CNTNAP5: variants seen among roughly 807,000 people sequenced by gnomAD.
CNTNAP5 encodes contactin-associated protein-like 5.
Under a neutral mutation model 150.2 loss-of-function variants are expected in CNTNAP5, and 72 were observed. The ratio of observed to expected loss-of-function variants is 0.48; its 90% confidence interval spans 0.40 to 0.58. The LOEUF (loss-of-function observed/expected upper bound fraction) is 0.58, where lower values mean the gene tolerates loss of function less well. Among genes scored for constraint, CNTNAP5 ranks in the 20% least tolerant of loss-of-function variants. The probability of loss-of-function intolerance (pLI) is 0.00; values close to 1 mark genes in which losing one functional copy is unlikely to be tolerated. For missense variants in CNTNAP5, 1,636 were observed against 1,626.2 expected (o/e 1.01, Z -0.10); for synonymous variants, 672 against 619.8 (o/e 1.08, Z -1.25).
rs13407203 is a variant in CNTNAP5, at chr2:124,313,861, T to A, written c.381+71468T>A. ...AGATCATTCCTGTTTTCCATTCAAT[T>A]GGTGGTGGTTTGCCTAGGACCCCAA... On this transcript the variant is annotated intron_variant, in intron 3 of 23. Transcript: ENST00000682447. Among the ~76,000 whole-genome samples, 411 of 152,290 alleles carry A rather than the reference T, an allele frequency of 2.7e-3. 4 individuals are homozygous for A. Among genetic ancestry groups the A allele is most frequent in the African/African-American group, 9.3e-3 (385 of 41,574 alleles).
chr2:124,219,106 A>G (rs985037374), intron 1 of CNTNAP5, among the ~76,000 whole-genome samples: 1 of 152,138 alleles, frequency 6.6e-6, no homozygotes, highest in African/African-American at 2.4e-5. Flanking sequence ...GAAAAAGAAG[A>G]GAAAAATAAA....
At chr2:124,301,457 C>T (rs1688566070) in intron 3 of CNTNAP5, among the ~76,000 whole-genome samples, 1 of 152,160 alleles carries the variant, frequency 6.6e-6, no homozygotes, top group Admixed American at 6.5e-5. Context: ...TCTTGGCTAT[C>T]CTCATATAGT....
intron 17 of CNTNAP5, among the ~76,000 whole-genome samples, chr2:124,786,423 G>GA (rs1347226918): frequency 8.4e-4 from 91 of 108,116 alleles, no homozygotes; most frequent in South Asian, 2.7e-3. Flanking sequence ...AGGAAGGAAG[G>GA]AAGGAAGGAA....
At chr2:124,783,221 C>T (rs1463700240) in intron 17 of CNTNAP5, among the ~76,000 whole-genome samples, 1 of 152,082 alleles carries the variant, frequency 6.6e-6, no homozygotes, top group Non-Finnish European at 1.5e-5. Flanking sequence ...GTCATATATT[C>T]CTGTGCACTT....
chr2:124,086,920 T>C (rs185554460), intron 1 of CNTNAP5, among the ~76,000 whole-genome samples: 1 of 151,972 alleles, frequency 6.6e-6, no homozygotes, highest in Non-Finnish European at 1.5e-5. Context: ...TGAACATTTA[T>C]TTAAAATTCC....
In CNTNAP5 at chr2:124,890,917, A is replaced by G. The variant is rs541121772; in HGVS notation, c.3437-11965A>G. On this transcript the variant is annotated intron_variant, in intron 21 of 23. Coordinates refer to ENST00000682447, the MANE Select transcript of CNTNAP5 (RefSeq NM_001367498.1). ...TGTTAGATCTTAGAATATAGTGTAT[A>G]AACAAGTGCTGTGTATTTACCATGT... 6.2e-4 allele frequency among the ~76,000 whole-genome samples: 95 copies of G among 152,236 alleles called. 3 individuals carry two copies. In the South Asian group the frequency reaches 0.02, roughly 31 times the overall value.
At chr2:124,308,861 T>C (rs1688753534) in intron 3 of CNTNAP5, among the ~76,000 whole-genome samples, 4 of 152,148 alleles carry the variant, frequency 2.6e-5, no homozygotes, top group Admixed American at 1.3e-4. Context: ...TGAACCAGAG[T>C]GCACTGGCTT....
chr2:124,503,955 G>A (rs79995119), intron 7 of CNTNAP5, among the ~76,000 whole-genome samples: 3,637 of 152,266 alleles, frequency 0.024, 88 homozygotes, highest in African/African-American at 0.056. Flanking sequence ...CACATTGTGA[G>A]CTTGGCACAT....
intron 1 of CNTNAP5, among the ~76,000 whole-genome samples, chr2:124,145,812 T>TAAAAAAAAAAAAAAAAAAAAAAAAAAAAA: frequency 5.9e-4 from 38 of 64,180 alleles, no homozygotes; most frequent in African/African-American, 1.0e-3. Flanking sequence ...AAAAAAACAT[T>TAAAAAAAAAAAAAAAAAAAAAAAAAAAAA]AAAAAAAAAA....
At chr2:124,258,482 A>G (rs1687368853) in intron 3 of CNTNAP5, among the ~76,000 whole-genome samples, 1 of 152,224 alleles carries the variant, frequency 6.6e-6, no homozygotes, top group South Asian at 2.1e-4. Flanking sequence ...ATGCATGATG[A>G]CATTACAGTA....
chr2:124,452,259 G>A (rs1267168812), intron 6 of CNTNAP5, among the ~76,000 whole-genome samples: 1 of 152,058 alleles, frequency 6.6e-6, no homozygotes. Context: ...GGTGAGGCCT[G>A]TGACTGCCCG....
At chr2:124,201,565 T>C (rs1263655549) in intron 1 of CNTNAP5, among the ~76,000 whole-genome samples, 1 of 152,246 alleles carries the variant, frequency 6.6e-6, no homozygotes, top group South Asian at 2.1e-4. Flanking sequence ...TTTTAACACT[T>C]AACCTCTCCC....
chr2:124,489,937 T>C (rs1693978182), intron 7 of CNTNAP5, among the ~76,000 whole-genome samples: 2 of 152,104 alleles, frequency 1.3e-5, no homozygotes, highest in African/African-American at 4.8e-5. Flanking sequence ...CACCTGAAAA[T>C]ACATGTCTGC....
At chr2:124,785,612 G>A (rs1681551053) in intron 17 of CNTNAP5, among the ~76,000 whole-genome samples, 1 of 152,170 alleles carries the variant, frequency 6.6e-6, no homozygotes. Context: ...GATAGGCCAT[G>A]TGGCATGAGA....
chr2:124,763,669 CA>C lies in CNTNAP5; in HGVS notation c.2235-2del. 1 of 1,610,638 alleles carries C rather than the reference CA, an allele frequency of 6.2e-7. No individual in the cohort carries two copies. The highest frequency in any genetic ancestry group is 8.5e-7 in the Non-Finnish European group (1 of 1,178,232). On this transcript the variant is annotated splice_acceptor_variant, in intron 14 of 23. Transcript: ENST00000682447. LOFTEE classifies it high-confidence loss of function. ...CTTTTTTTCTTAAATTTATGTTTTG[CA>C]GGACAAATGATACTGGCTTTCTTTC...
intron 6 of CNTNAP5, among the ~76,000 whole-genome samples, chr2:124,470,172 A>G (rs374887609): frequency 5.5e-4 from 83 of 152,246 alleles, no homozygotes; most frequent in African/African-American, 1.9e-3. Flanking sequence ...AATGGTTGCA[A>G]TAATTTGCTC....
intron 8 of CNTNAP5, among the ~76,000 whole-genome samples, chr2:124,508,298 G>A (rs1694461535): frequency 6.6e-6 from 1 of 152,144 alleles, no homozygotes; most frequent in South Asian, 2.1e-4. Context: ...TAGATTTCCA[G>A]TAATGGAGGT....
At chr2:124,812,449 G>T (rs1452851185) in intron 19 of CNTNAP5, among the ~76,000 whole-genome samples, 2 of 151,856 alleles carry the variant, frequency 1.3e-5, no homozygotes, top group Non-Finnish European at 2.9e-5. Flanking sequence ...TGACAGGAAA[G>T]GGGCGGTTGG....
chr2:124,271,701 C>CTATCTATCTATCT (rs200397448), intron 3 of CNTNAP5, among the ~76,000 whole-genome samples: 12 of 114,850 alleles, frequency 1.0e-4, no homozygotes, highest in African/African-American at 3.8e-4. Flanking sequence ...ATCTATCTAT[C>CTATCTATCTATCT]ATCTATCTAT....
Sources: gnomAD v4.1 joint callset for allele counts (sites outside exome capture counted in the v4.1 genomes callset) on GRCh38, gnomAD v4.1.1 for gene constraint, MANE v1.5 for transcripts, NCBI Gene and HGNC (gene_info 2026-07-23, HGNC 2026-07-21) for gene names.